The following KHDC4 variants were observed in gnomAD, a reference collection of about 807,000 sequenced individuals.
KHDC4 encodes the protein KH domain containing 4, pre-mRNA splicing factor.
In KHDC4, 19 loss-of-function variants were observed where a neutral mutation model predicts 74.5. That is an observed-to-expected ratio of 0.26 (90% CI 0.18 to 0.37). The LOEUF (loss-of-function observed/expected upper bound fraction) is 0.37, where lower values mean the gene tolerates loss of function less well. Among genes scored for constraint, KHDC4 ranks in the 10% least tolerant of loss-of-function variants. The pLI is 1.00. For synonymous variants in KHDC4, 253 were observed against 266.1 expected (o/e 0.95, Z 0.48); for missense variants, 632 against 754.1 (o/e 0.84, Z 1.90).
At chr1:155,917,357 A>G (rs916275742) in intron 11 of KHDC4, 142 bp downstream of exon 11, 2 of 734,864 alleles carry the variant, frequency 2.7e-6, no homozygotes, top group African/African-American at 3.5e-5. Flanking sequence ...AGTCTGTTGA[A>G]TAGGATAAAA....
Position 155,934,348 on chromosome 1 carries a change from G to A in KHDC4, c.26C>T (p.Pro9Leu), listed in dbSNP as rs773411578. The part of the protein sequence containing the change: MSAGSATH[P>L]GAGGRRSKWD... ...CCTGAAGCCGTACCCGCCAGCTCCA[G>A]GATGTGTCGCGCTCCCCGCGGACAT... is the stretch of plus-strand genomic sequence containing the variant. The change falls in exon 1 of 14, where the codon CCT (proline) becomes CTT (leucine). Residue 9 changes from proline (P) to leucine (L), a missense_variant. Physicochemically the swap from Pro to Leu is moderately conservative, Grantham distance 98. Transcript: ENST00000368321. 4 of 1,611,028 alleles carry A rather than the reference G, an allele frequency of 2.5e-6. No homozygotes were observed. The highest frequency in any genetic ancestry group is 1.1e-5 in the South Asian group (1 of 91,038).
chr1:155,927,803 CAAAAAAAA>C (rs1157393289), intron 4 of KHDC4, among the ~76,000 whole-genome samples: 23 of 8,146 alleles, frequency 2.8e-3, no homozygotes, highest in African/African-American at 0.012. Flanking sequence ...ACTCTGTCTC[CAAAAAAAA>C]AAAAAAAAAA....
intron 7 of KHDC4, among the ~76,000 whole-genome samples, chr1:155,924,371 G>T (rs1673936215): frequency 6.6e-6 from 1 of 151,756 alleles, no homozygotes; most frequent in Non-Finnish European, 1.5e-5. Flanking sequence ...ACCATGCCTG[G>T]CTAATTTTTT....
intron 2 of KHDC4, among the ~76,000 whole-genome samples, chr1:155,931,004 T>A (rs972817812): frequency 1.3e-5 from 2 of 149,878 alleles, no homozygotes; most frequent in Non-Finnish European, 3.0e-5. Flanking sequence ...AGAGCAAAAC[T>A]CTGTCTCAAA....
chr1:155,930,415 C>G (rs1260933729), intron 2 of KHDC4, among the ~76,000 whole-genome samples: 1 of 152,162 alleles, frequency 6.6e-6, no homozygotes, highest in Non-Finnish European at 1.5e-5. Context: ...CAAGATTTCT[C>G]TGTGACCTTG....
intron 10 of KHDC4, among the ~76,000 whole-genome samples, chr1:155,918,756 T>G (rs532449290): frequency 6.6e-6 from 1 of 152,312 alleles, no homozygotes; most frequent in South Asian, 2.1e-4. Context: ...ACTAAAACGT[T>G]GTAAGGTGGC....
chr1:155,927,285 AG>A, intron 4 of KHDC4, 129 bp from the exon 5 acceptor site: 1 of 669,508 alleles, frequency 1.5e-6, no homozygotes, highest in East Asian at 2.7e-5. Flanking sequence ...ATACATTAGA[AG>A]GGTTTTTGCT....
intron 11 of KHDC4, chr1:155,916,978 A>G: frequency 2.9e-6 from 1 of 343,886 alleles, no homozygotes. Flanking sequence ...TTTTTAACTG[A>G]CTGCCCATAG....
Position 155,927,831 on chromosome 1 carries a change from AC to A in KHDC4, c.465-676del, listed in dbSNP as rs869066490. ...AAAAAAAAAAAAAAAAAAAAAAAAA[AC>A]CACACACACACACACACACACACAC... is the stretch of plus-strand genomic sequence containing the variant. On this transcript the variant is annotated intron_variant, in intron 4 of 13. Coordinates refer to ENST00000368321, the MANE Select transcript of KHDC4 (RefSeq NM_014949.4). 3.2e-4 allele frequency among the ~76,000 whole-genome samples: 9 copies of A among 28,510 alleles called. 1 individual carries two copies. The highest frequency in any genetic ancestry group is 7.0e-4 in the African/African-American group (7 of 10,004). 18.7% of individuals were successfully genotyped at this position (28,510 alleles called of 152,430 possible). A position where few individuals can be genotyped will look rare whatever the true frequency, so the allele number is the denominator to read the frequency against.
In KHDC4 at chr1:155,926,121, T is replaced by C. The variant is rs1673988212; in HGVS notation, c.682-278A>G. ...GTTTACAAATACAAATTAAAACCAC[T>C]AACTTCAAAATGTACAACATGTATA... is the stretch of plus-strand genomic sequence containing the variant. On this transcript the variant is annotated intron_variant, in intron 6 of 13. Coordinates refer to ENST00000368321, the MANE Select transcript of KHDC4 (RefSeq NM_014949.4). 4 of 619,080 alleles carry C rather than the reference T, an allele frequency of 6.5e-6. No homozygotes were observed. In the African/African-American group the frequency reaches 7.2e-5, roughly 11 times the overall value. 38.3% of individuals were successfully genotyped at this position (619,080 alleles called of 1,614,324 possible).
intron 4 of KHDC4, 51 bp from the exon 5 acceptor site, chr1:155,927,207 A>T (rs1674023507): frequency 6.9e-7 from 1 of 1,452,320 alleles, no homozygotes; most frequent in East Asian, 2.3e-5. Flanking sequence ...AAACCAAAAA[A>T]GGAGTCAAAT....
In KHDC4 at chr1:155,924,040, G is replaced by A. The variant is rs367695275; in HGVS notation, c.894-353C>T. Among the ~76,000 whole-genome samples, 6 of 151,982 alleles carry A rather than the reference G, an allele frequency of 3.9e-5. No homozygotes were observed. The East Asian group carries it at 5.8e-4, about 15-fold the overall frequency. On this transcript the variant is annotated intron_variant, in intron 7 of 13. Transcript: ENST00000368321. ...CTTTAAGATTTGCTTTTTTTTGGCCGGGCGTGGTGGTTCACGCCTGTAATC... is the reference window on the plus strand; with the variant it reads ...CTTTAAGATTTGCTTTTTTTTGGCCAGGCGTGGTGGTTCACGCCTGTAATC...
intron 11 of KHDC4, 184 bp from the exon 12 acceptor site, chr1:155,916,921 A>G (rs1673744723): frequency 5.9e-6 from 3 of 511,994 alleles, no homozygotes; most frequent in Non-Finnish European, 1.0e-5. Flanking sequence ...TTTTCTCTAT[A>G]GGACTTGGAC....
In KHDC4 at chr1:155,915,983, A is replaced by T; in HGVS notation, c.1554-19T>A. ...CAACTGCCTATTGAAAAACAAAATGAAACTTTCTTTCAGACAATTTAAATT... is the reference window on the plus strand; with the variant it reads ...CAACTGCCTATTGAAAAACAAAATGTAACTTTCTTTCAGACAATTTAAATT... On this transcript the variant is annotated intron_variant, in intron 12 of 13. Transcript: ENST00000368321. 1.3e-6 allele frequency: 2 copies of T among 1,498,244 alleles called. No individual in the cohort carries two copies. Among genetic ancestry groups the T allele is most frequent in the Non-Finnish European group, 1.8e-6 (2 of 1,097,838 alleles). The allele number at this position is 1,498,244 out of a possible 1,614,324, so 92.8% of individuals were successfully genotyped here.
At chr1:155,927,049 G>A (rs1674017630) in intron 5 of KHDC4, 55 bp downstream of exon 5, 2 of 1,523,724 alleles carry the variant, frequency 1.3e-6, no homozygotes, top group South Asian at 1.1e-5. Context: ...GCTATACAGA[G>A]CCCTGTACTT....
intron 4 of KHDC4, among the ~76,000 whole-genome samples, chr1:155,928,690 C>A (rs914971812): frequency 6.7e-6 from 1 of 150,190 alleles, no homozygotes; most frequent in Non-Finnish European, 1.5e-5. Context: ...TGGTGGCTCA[C>A]GCCTGTAATC....
chr1:155,933,448 A>G (rs1674186181), intron 2 of KHDC4, 185 bp downstream of exon 2: 6 of 466,080 alleles, frequency 1.3e-5, no homozygotes, highest in Non-Finnish European at 2.3e-5. Context: ...ACCATGCCCG[A>G]CTAATTTTTG....
Position 155,933,814 on chromosome 1 carries a change from G to C in KHDC4, c.74C>G (p.Pro25Arg), listed in dbSNP as rs1228468375. The change falls in exon 2 of 14, where the codon CCA becomes CGA. Residue 25 changes from proline to arginine, a missense_variant. By Grantham distance (103) the Pro-to-Arg change is moderately radical. Around this residue, in one of 4 missense-constraint regions of KHDC4, gnomAD observed 104 missense variants for 78.1 expected, o/e 1.33. Coordinates refer to ENST00000368321, the MANE Select transcript of KHDC4 (RefSeq NM_014949.4). ...RSKWDQPAPA[P>R]LLFLPPAAPG... ...GGCCGCTGGCGGGAGGAAGAGAAGT[G>C]GGGCTGGAGCTGGTTGGTCCCATTT... is the stretch of plus-strand genomic sequence containing the variant. The C allele has an allele frequency of 6.3e-7, 1 of 1,588,498 alleles. No individual in the cohort carries two copies. Among genetic ancestry groups the C allele is most frequent in the Admixed American group, 1.8e-5 (1 of 55,874 alleles).
chr1:155,922,200 C>CAATG (rs1673883215), intron 8 of KHDC4, among the ~76,000 whole-genome samples: 1 of 140,686 alleles, frequency 7.1e-6, no homozygotes, highest in Non-Finnish European at 1.5e-5. Context: ...GGGTACAATG[C>CAATG]AATGGCATGG....
Sources: allele counts gnomAD v4.1 joint callset (sites outside exome capture counted in the v4.1 genomes callset), GRCh38; gene constraint gnomAD v4.1.1; regional missense constraint gnomAD v4.1.1; transcripts MANE v1.5; gene names NCBI Gene and HGNC (gene_info 2026-07-23, HGNC 2026-07-21).